ADAMTSL1: variants seen among roughly 807,000 people sequenced by gnomAD.
ADAMTSL1 encodes the protein ADAMTS like 1.
ADAMTSL1 carries 126 observed loss-of-function variants against 201.8 expected under a neutral mutation model. That is an observed-to-expected ratio of 0.62 (90% CI 0.54 to 0.72). The LOEUF is 0.72. Ranked by LOEUF, ADAMTSL1 falls within the 30% of genes least tolerant of loss-of-function variation. ADAMTSL1 has a pLI of 0.00. For missense variants in ADAMTSL1, 2,679 were observed against 2,277.8 expected (o/e 1.18, Z -3.59); for synonymous variants, 1,121 against 903.4 (o/e 1.24, Z -4.32).
chr9:18,212,074 G>C lies in ADAMTSL1; in HGVS notation c.207+48093G>C, dbSNP rs368103441. On this transcript the variant is annotated intron_variant, in intron 2 of 29. Transcript: ENST00000680146. ...TTAAGAGAAGAAACAAGTCCACTGT[G>C]ACCAGATTTAGGCACCAGAAAAAAT... 1.2e-4 allele frequency among the ~76,000 whole-genome samples: 18 copies of C among 152,266 alleles called. No individual in the cohort carries two copies. The East Asian group carries it at 2.9e-3, about 25-fold the overall frequency.
chr9:18,845,553 C>T (rs1371472115), intron 23 of ADAMTSL1, among the ~76,000 whole-genome samples: 1 of 152,250 alleles, frequency 6.6e-6, no homozygotes, highest in African/African-American at 2.4e-5. Context: ...CATGCAAAGC[C>T]TGGCAGTGAG....
chr9:18,892,708 T>G, intron 26 of ADAMTSL1, 112 bp downstream of exon 26: 1 of 1,277,318 alleles, frequency 7.8e-7, no homozygotes, highest in Non-Finnish European at 1.1e-6. Context: ...TTTCACATTC[T>G]GATTGGCCAG....
chr9:18,903,825 G>C (rs759177306), intron 26 of ADAMTSL1, among the ~76,000 whole-genome samples: 9 of 151,466 alleles, frequency 5.9e-5, no homozygotes, highest in Non-Finnish European at 1.2e-4. Flanking sequence ...CACATACATG[G>C]GTTTCACATC....
intron 4 of ADAMTSL1, among the ~76,000 whole-genome samples, chr9:18,592,804 T>C (rs1416917190): frequency 6.6e-6 from 1 of 152,190 alleles, no homozygotes; most frequent in Non-Finnish European, 1.5e-5. Flanking sequence ...CTGTAGATTG[T>C]TTTGAATAGT....
intron 2 of ADAMTSL1, among the ~76,000 whole-genome samples, chr9:18,437,617 G>C (rs1439536566): frequency 6.6e-6 from 1 of 151,774 alleles, no homozygotes; most frequent in African/African-American, 2.4e-5. Context: ...GGCTTTCTAG[G>C]GTCTGAGTTA....
intron 1 of ADAMTSL1, among the ~76,000 whole-genome samples, chr9:18,050,949 A>G (rs181659000): frequency 6.6e-6 from 1 of 152,334 alleles, no homozygotes; most frequent in Non-Finnish European, 1.5e-5. Flanking sequence ...GCTACTTTAC[A>G]CCAGTGCAAT....
chr9:18,537,780 G>A (rs1345319742), intron 3 of ADAMTSL1, among the ~76,000 whole-genome samples: 12 of 151,608 alleles, frequency 7.9e-5, no homozygotes, highest in East Asian at 3.9e-4. Flanking sequence ...AGGCTGAGGC[G>A]GGAGGATTGC....
intron 1 of ADAMTSL1, among the ~76,000 whole-genome samples, chr9:18,138,313 C>G (rs531440259): frequency 4.6e-5 from 7 of 152,128 alleles, no homozygotes; most frequent in African/African-American, 1.7e-4. Context: ...GATATACATA[C>G]ATATCTTGCA....
intron 1 of ADAMTSL1, among the ~76,000 whole-genome samples, chr9:17,979,957 G>A (rs1399694457): frequency 6.6e-6 from 1 of 152,094 alleles, no homozygotes; most frequent in Non-Finnish European, 1.5e-5. Context: ...GGGCTAACAT[G>A]AAGCTTGGAA....
chr9:18,023,979 A>G (rs10810888), intron 1 of ADAMTSL1, among the ~76,000 whole-genome samples: 90,180 of 151,928 alleles, frequency 0.59, 26,859 homozygotes, highest in South Asian at 0.65. Flanking sequence ...CTTTTCTTTT[A>G]TAGATCTTTA....
intron 2 of ADAMTSL1, among the ~76,000 whole-genome samples, chr9:18,332,560 C>T (rs1011111727): frequency 6.6e-6 from 1 of 152,172 alleles, no homozygotes; most frequent in Non-Finnish European, 1.5e-5. Context: ...CAGCAATCCT[C>T]CTGCCTCAGC....
At chr9:18,172,178 A>T (rs1827927637) in intron 2 of ADAMTSL1, among the ~76,000 whole-genome samples, 1 of 152,046 alleles carries the variant, frequency 6.6e-6, no homozygotes, top group East Asian at 1.9e-4. Flanking sequence ...CTTAATGTAG[A>T]TGATGGGTTG....
intron 4 of ADAMTSL1, among the ~76,000 whole-genome samples, chr9:18,588,917 A>AT (rs59155512): frequency 0.31 from 44,284 of 142,186 alleles, 7,618 homozygotes; most frequent in East Asian, 0.53. Context: ...ATATATACAC[A>AT]TTTTTTTTTT....
chr9:18,008,962 C>G (rs1391615601), intron 1 of ADAMTSL1, among the ~76,000 whole-genome samples: 1 of 151,926 alleles, frequency 6.6e-6, no homozygotes, highest in African/African-American at 2.4e-5. Context: ...ATCATCGATC[C>G]AAAGGAAGAG....
At chr9:17,909,118 T>G (rs1341405655) in intron 1 of ADAMTSL1, among the ~76,000 whole-genome samples, 1 of 147,336 alleles carries the variant, frequency 6.8e-6, no homozygotes, top group Non-Finnish European at 1.5e-5. Flanking sequence ...ATAAATGTCT[T>G]CTTTTGAGAA....
chr9:18,518,920 C>T (rs1818521522), intron 2 of ADAMTSL1, among the ~76,000 whole-genome samples: 1 of 152,106 alleles, frequency 6.6e-6, no homozygotes, highest in Non-Finnish European at 1.5e-5. Flanking sequence ...GATGGCCAGG[C>T]TGGTTTTCTA....
chr9:18,362,649 G>A (rs919684776), intron 2 of ADAMTSL1, among the ~76,000 whole-genome samples: 4 of 152,182 alleles, frequency 2.6e-5, no homozygotes, highest in African/African-American at 9.7e-5. Flanking sequence ...CAAATGTCAT[G>A]CATTTTCTAG....
intron 1 of ADAMTSL1, among the ~76,000 whole-genome samples, chr9:18,054,117 C>G (rs183923121): frequency 2.0e-5 from 3 of 151,930 alleles, no homozygotes; most frequent in African/African-American, 7.2e-5. Flanking sequence ...GCATAGTTTT[C>G]TGATTATACA....
Position 18,909,669 on chromosome 9 carries a change from G to GCTGTCAGC in ADAMTSL1, c.*1128_*1129insCCTGTCAG. 1 of 152,318 alleles carries GCTGTCAGC rather than the reference G, an allele frequency of 6.6e-6. No individual in the cohort carries two copies. The highest frequency in any genetic ancestry group is 2.1e-4 in the South Asian group (1 of 4,820). 9.4% of individuals were successfully genotyped at this position (152,318 alleles called of 1,614,324 possible). A position where few individuals can be genotyped will look rare whatever the true frequency, so the allele number is the denominator to read the frequency against. ...CACTGTGCCAGAGAGTATCTGTCAG[G>GCTGTCAGC]CTGTCAGGTTGTAGCAACCTCTTCA... On this transcript the variant is annotated 3_prime_UTR_variant, in exon 29 of 29. Transcript: ENST00000380548.
Sources: gnomAD v4.1 joint callset for allele counts (sites outside exome capture counted in the v4.1 genomes callset) on GRCh38, gnomAD v4.1.1 for gene constraint, MANE v1.5 for transcripts, NCBI Gene and HGNC (gene_info 2026-07-23, HGNC 2026-07-21) for gene names.